LHFPL2: variants seen among roughly 807,000 people sequenced by gnomAD.
LHFPL2 encodes the protein LHFPL tetraspan subfamily member 2 protein.
LHFPL2 carries 7 observed loss-of-function variants against 17.5 expected under a neutral mutation model. The ratio of observed to expected loss-of-function variants is 0.40; its 90% CI spans 0.23 to 0.75. The LOEUF (loss-of-function observed/expected upper bound fraction) is 0.75, where lower values mean the gene tolerates loss of function less well. LHFPL2 is among the 30% of genes least tolerant of loss of function. The pLI is 0.37. For missense variants in LHFPL2, 241 were observed against 294.8 expected (o/e 0.82, Z 1.34); for synonymous variants, 134 against 116.2 (o/e 1.15, Z -0.99).
chr5:78,539,816 C>T (rs796760508), intron 3 of LHFPL2, among the ~76,000 whole-genome samples: 165 of 137,564 alleles, frequency 1.2e-3, no homozygotes, highest in African/African-American at 4.2e-3. Flanking sequence ...AAGACTTTTG[C>T]TTTTTTTTTT....
intron 3 of LHFPL2, among the ~76,000 whole-genome samples, chr5:78,550,179 G>A (rs1756399562): frequency 6.6e-6 from 1 of 152,154 alleles, no homozygotes; most frequent in South Asian, 2.1e-4. Flanking sequence ...CTGCCTGTTG[G>A]CCACCAATCT....
rs182914968 is a variant in LHFPL2 at position 78,562,610 on chromosome 5, G to A, written c.-186+2203C>T. ...AGATCATGTCACTGCACTCCAGCCT[G>A]AGTGACAGAGTGAGATTCCACCTCA... On this transcript the variant is annotated intron_variant, in intron 3 of 4. Transcript: ENST00000380345. Among the ~76,000 whole-genome samples the A allele has an allele frequency of 8.0e-3, 1,170 of 146,614 alleles. 13 individuals are homozygous for A. The highest frequency in any genetic ancestry group is 0.026 in the African/African-American group (1,036 of 39,606).
chr5:78,486,324 ACTTT>A lies in LHFPL2; in HGVS notation c.*2569_*2572del, dbSNP rs777465658. On this transcript the variant is annotated 3_prime_UTR_variant, in exon 5 of 5. Transcript: ENST00000380345. Reference sequence around the variant, plus strand: ...GCAGCCCATCCCATCCCGTCATGAGACTTTCTTTAAGCCAATTTCAGGCAAAATA... The same window carrying A: ...GCAGCCCATCCCATCCCGTCATGAGACTTTAAGCCAATTTCAGGCAAAATA... 5 of 152,268 alleles carry A rather than the reference ACTTT, an allele frequency of 3.3e-5. No homozygotes were observed. Among genetic ancestry groups the A allele is most frequent in the South Asian group, 2.1e-4 (1 of 4,836 alleles). 9.4% of individuals were successfully genotyped at this position (152,268 alleles called of 1,614,324 possible). A position where few individuals can be genotyped will look rare whatever the true frequency, so the allele number is the denominator to read the frequency against.
intron 2 of LHFPL2, among the ~76,000 whole-genome samples, chr5:78,590,496 G>C (rs906469154): frequency 2.0e-5 from 3 of 152,074 alleles, no homozygotes; most frequent in African/African-American, 7.2e-5. Context: ...AGATAGTGTG[G>C]TGGGATGTTA....
intron 2 of LHFPL2, among the ~76,000 whole-genome samples, chr5:78,566,527 G>C (rs1025913203): frequency 6.6e-5 from 10 of 151,640 alleles, no homozygotes; most frequent in African/African-American, 2.4e-4. Context: ...ACAATGGCAC[G>C]ATCTTGGCTC....
intron 2 of LHFPL2, among the ~76,000 whole-genome samples, chr5:78,586,121 C>G (rs998047852): frequency 6.6e-6 from 1 of 152,218 alleles, no homozygotes; most frequent in Non-Finnish European, 1.5e-5. Context: ...ATGAACTAAT[C>G]AAGAGACACT....
intron 3 of LHFPL2, among the ~76,000 whole-genome samples, chr5:78,524,438 G>A (rs893692126): frequency 6.6e-6 from 1 of 152,150 alleles, no homozygotes; most frequent in African/African-American, 2.4e-5. Flanking sequence ...CACAATGGAG[G>A]TATAAGAATT....
At chr5:78,638,400 G>A (rs948718430) in intron 1 of LHFPL2, among the ~76,000 whole-genome samples, 2 of 152,084 alleles carry the variant, frequency 1.3e-5, no homozygotes, top group African/African-American at 4.8e-5. Flanking sequence ...ACATAAAAAA[G>A]GAGGCAGTAA....
chr5:78,501,823 A>C (rs11738126), intron 4 of LHFPL2, among the ~76,000 whole-genome samples: 36,663 of 152,144 alleles, frequency 0.24, 4,714 homozygotes, highest in East Asian at 0.46. Flanking sequence ...AGGAACTAGA[A>C]GTCAAAGGGT....
Position 78,487,851 on chromosome 5 carries a change from A to AAACTT in LHFPL2, c.*1041_*1045dup, listed in dbSNP as rs1238399194. ...TCAGGATCAACACCAGTAACTACAAAAACTTAACTCCCATAACTAGCTTCT... is the reference window on the plus strand; with the variant it reads ...TCAGGATCAACACCAGTAACTACAAAAACTTAACTTAACTCCCATAACTAGCTTCT... On this transcript the variant is annotated 3_prime_UTR_variant, in exon 5 of 5. Transcript: ENST00000380345. 4.6e-5 allele frequency: 7 copies of AAACTT among 152,306 alleles called. No homozygotes were observed. The highest frequency in any genetic ancestry group is 9.6e-5 in the African/African-American group (4 of 41,546). 9.4% of individuals were successfully genotyped at this position (152,306 alleles called of 1,614,324 possible).
chr5:78,570,175 A>T (rs151055316), intron 2 of LHFPL2, among the ~76,000 whole-genome samples: 324 of 152,358 alleles, frequency 2.1e-3, no homozygotes, highest in African/African-American at 7.4e-3. Flanking sequence ...CATGACATAG[A>T]GTAGACAATT....
At position 78,554,908 on chromosome 5, in the gene LHFPL2, C is replaced by T. The variant is rs895463650; in HGVS notation, c.-186+9905G>A. ...CCAATAAGCCCTAAAAAAACTTACCCCTGGGGAAGGATATTTTGCTATATT... is the reference window on the plus strand; with the variant it reads ...CCAATAAGCCCTAAAAAAACTTACCTCTGGGGAAGGATATTTTGCTATATT... On this transcript the variant is annotated intron_variant, in intron 3 of 4. Transcript: ENST00000380345. 1.3e-5 allele frequency among the ~76,000 whole-genome samples: 2 copies of T among 152,132 alleles called. 1 individual carries two copies. Among genetic ancestry groups the T allele is most frequent in the South Asian group, 4.1e-4 (2 of 4,826 alleles).
intron 2 of LHFPL2, among the ~76,000 whole-genome samples, chr5:78,582,109 T>C (rs1215016883): frequency 2.0e-5 from 3 of 152,238 alleles, no homozygotes; most frequent in Admixed American, 1.3e-4. Flanking sequence ...TGATGGTAGT[T>C]TGTATTTCTG....
intron 3 of LHFPL2, 49 bp from the exon 4 acceptor site, chr5:78,510,447 C>T: frequency 3.8e-6 from 2 of 521,426 alleles, no homozygotes; most frequent in Non-Finnish European, 6.7e-6. Flanking sequence ...CCCGCCCCGC[C>T]TTCCCGCCGC....
chr5:78,524,935 A>C (rs2112348371), intron 3 of LHFPL2, among the ~76,000 whole-genome samples: 1 of 152,330 alleles, frequency 6.6e-6, no homozygotes, highest in Non-Finnish European at 1.5e-5. Context: ...TGGATATTTA[A>C]TACTTGGTAC....
At chr5:78,587,231 A>G (rs1272498853) in intron 2 of LHFPL2, among the ~76,000 whole-genome samples, 1 of 130,132 alleles carries the variant, frequency 7.7e-6, no homozygotes, top group East Asian at 2.1e-4. Flanking sequence ...AGTTGGTCCC[A>G]AAGACTCACA....
At chr5:78,494,978 C>A (rs1754559315) in intron 4 of LHFPL2, among the ~76,000 whole-genome samples, 1 of 152,180 alleles carries the variant, frequency 6.6e-6, no homozygotes, top group Non-Finnish European at 1.5e-5. Context: ...TCAGACCAGT[C>A]ACAAATTTAT....
chr5:78,629,832 A>G (rs1234104423), intron 2 of LHFPL2, among the ~76,000 whole-genome samples: 1 of 152,224 alleles, frequency 6.6e-6, no homozygotes, highest in Non-Finnish European at 1.5e-5. Context: ...ATCAAGGCCA[A>G]TCTATAAAAG....
intron 2 of LHFPL2, among the ~76,000 whole-genome samples, chr5:78,596,837 T>C (rs1326351605): frequency 6.6e-6 from 1 of 152,136 alleles, no homozygotes; most frequent in Non-Finnish European, 1.5e-5. Flanking sequence ...GATAATAATA[T>C]TGACAGTTTC....
Sources: allele counts gnomAD v4.1 joint callset (sites outside exome capture counted in the v4.1 genomes callset), GRCh38; gene constraint gnomAD v4.1.1; transcripts MANE v1.5; gene names NCBI Gene and HGNC (gene_info 2026-07-23, HGNC 2026-07-21).